FMN1: variants seen among roughly 807,000 people sequenced by gnomAD.
FMN1 encodes the protein formin 1.
In FMN1, 110 loss-of-function variants were observed where a neutral mutation model predicts 132.4. The observed-to-expected ratio is 0.83, with a 90% CI of 0.71 to 0.97. FMN1 has a LOEUF of 0.97. Among genes scored for constraint, FMN1 ranks in the 50% least tolerant of loss-of-function variants. FMN1 has a pLI of 0.00. For missense variants in FMN1, 1,792 were observed against 1,705.3 expected, an observed-to-expected ratio of 1.05 and a Z score of -0.90; for synonymous variants, 722 against 651.7, an observed-to-expected ratio of 1.11 and a Z score of -1.64.
At chr15:33,058,480 CTG>C (rs1465688489) in intron 6 of FMN1, among the ~76,000 whole-genome samples, 5 of 152,232 alleles carry the variant, frequency 3.3e-5, no homozygotes, top group Admixed American at 2.0e-4. Context: ...ACTACACAAA[CTG>C]TGGCTCAATG....
At chr15:33,107,207 T>C (rs1239844289) in intron 4 of FMN1, among the ~76,000 whole-genome samples, 3 of 151,974 alleles carry the variant, frequency 2.0e-5, no homozygotes, top group African/African-American at 2.4e-5. Flanking sequence ...CACCAAACAG[T>C]ATCCCAAATC....
At chr15:33,070,287 G>C (rs867282754) in intron 5 of FMN1, among the ~76,000 whole-genome samples, 2 of 151,666 alleles carry the variant, frequency 1.3e-5, no homozygotes, top group African/African-American at 4.8e-5. Context: ...TTACAGGCAT[G>C]AGCCACCGCG....
At chr15:32,847,750 G>C (rs2058893502) in intron 17 of FMN1, among the ~76,000 whole-genome samples, 1 of 152,194 alleles carries the variant, frequency 6.6e-6, no homozygotes, top group South Asian at 2.1e-4. Context: ...AGCTACTCGG[G>C]AGGCTAAGGC....
At chr15:33,092,807 T>C (rs1357768046) in intron 4 of FMN1, among the ~76,000 whole-genome samples, 5 of 152,194 alleles carry the variant, frequency 3.3e-5, no homozygotes, top group Non-Finnish European at 7.3e-5. Context: ...CATTAAACCT[T>C]TTCAGCTGAG....
chr15:32,871,700 A>G (rs181899501), intron 16 of FMN1, among the ~76,000 whole-genome samples: 1 of 152,384 alleles, frequency 6.6e-6, no homozygotes. Context: ...AGAATTCTTG[A>G]TATTAGTGGT....
At chr15:32,856,953 A>G in intron 17 of FMN1, 62 bp downstream of exon 17, 1 of 1,233,490 alleles carries the variant, frequency 8.1e-7, no homozygotes, top group African/African-American at 1.5e-5. Flanking sequence ...CCTCAGAGAA[A>G]GATTCATGGA....
chr15:32,853,684 C>T (rs918060154), intron 17 of FMN1, among the ~76,000 whole-genome samples: 2 of 152,224 alleles, frequency 1.3e-5, no homozygotes, highest in African/African-American at 4.8e-5. Context: ...TCATAGCATA[C>T]TGCTGTGAAC....
At chr15:33,115,751 G>A (rs1035914275) in intron 4 of FMN1, among the ~76,000 whole-genome samples, 2 of 152,014 alleles carry the variant, frequency 1.3e-5, no homozygotes, top group African/African-American at 4.8e-5. Context: ...CCGCTCCCAT[G>A]TTGCTATTTC....
intron 6 of FMN1, among the ~76,000 whole-genome samples, chr15:33,053,492 A>G (rs2037074286): frequency 6.6e-6 from 1 of 152,138 alleles, no homozygotes; most frequent in East Asian, 1.9e-4. Context: ...CCCTGCTGCA[A>G]GTTCGGGAAA....
chr15:33,050,218 T>C (rs1331379729), intron 6 of FMN1, among the ~76,000 whole-genome samples: 1 of 152,192 alleles, frequency 6.6e-6, no homozygotes, highest in Non-Finnish European at 1.5e-5. Flanking sequence ...TATCAGAACA[T>C]AACCCTATTG....
At chr15:33,125,273 TAGAGATA>T (rs1275150844) in intron 4 of FMN1, among the ~76,000 whole-genome samples, 1 of 152,182 alleles carries the variant, frequency 6.6e-6, no homozygotes, top group East Asian at 1.9e-4. Flanking sequence ...TTGTAAAGTT[TAGAGATA>T]ATACATAGAA....
intron 13 of FMN1, among the ~76,000 whole-genome samples, chr15:32,900,805 A>C (rs570987827): frequency 6.6e-6 from 1 of 152,234 alleles, no homozygotes; most frequent in African/African-American, 2.4e-5. Flanking sequence ...TTTCCAATTG[A>C]AATTTTTTTT....
intron 4 of FMN1, among the ~76,000 whole-genome samples, chr15:33,108,943 ACAAT>A (rs1434697176): frequency 9.2e-5 from 14 of 152,136 alleles, no homozygotes; most frequent in African/African-American, 3.1e-4. Flanking sequence ...AATCCTTCAG[ACAAT>A]CAATCAGTTA....
intron 19 of FMN1, among the ~76,000 whole-genome samples, chr15:32,778,287 TA>T (rs1344778065): frequency 1.4e-4 from 20 of 145,132 alleles, no homozygotes; most frequent in African/African-American, 4.8e-4. Context: ...TATATATATA[TA>T]TATTTTTTTG....
intron 6 of FMN1, among the ~76,000 whole-genome samples, chr15:33,041,908 TCA>T (rs59245659): frequency 0.18 from 27,570 of 151,952 alleles, 2,664 homozygotes; most frequent in Middle Eastern, 0.24. Context: ...ATAGTAAATT[TCA>T]CAGTGTTTTT....
At chr15:32,884,019 T>C (rs2059835612) in intron 16 of FMN1, among the ~76,000 whole-genome samples, 1 of 152,208 alleles carries the variant, frequency 6.6e-6, no homozygotes, top group Admixed American at 6.5e-5. Flanking sequence ...ATCTATAGTT[T>C]CAGCAATGCT....
At chr15:33,152,959 TAATC>T (rs1190363917) in intron 4 of FMN1, 85 bp downstream of exon 4, 2 of 1,330,776 alleles carry the variant, frequency 1.5e-6, no homozygotes, top group Non-Finnish European at 2.0e-6. Context: ...GGTCCATTGT[TAATC>T]AGTCAGTTTC....
intron 3 of FMN1, among the ~76,000 whole-genome samples, chr15:33,167,893 G>A (rs980328845): frequency 6.6e-6 from 1 of 152,162 alleles, no homozygotes; most frequent in Non-Finnish European, 1.5e-5. Flanking sequence ...GAAGAGGAGG[G>A]GTCTTGCTGT....
intron 7 of FMN1, among the ~76,000 whole-genome samples, chr15:32,994,692 T>C (rs761599070): frequency 1.6e-4 from 24 of 152,310 alleles, no homozygotes; most frequent in Non-Finnish European, 2.4e-4. Flanking sequence ...TATTGAATGA[T>C]TGAGAAAGAC....
Sources: allele counts gnomAD v4.1 joint callset (sites outside exome capture counted in the v4.1 genomes callset), GRCh38; gene constraint gnomAD v4.1.1; transcripts MANE v1.5; gene names NCBI Gene and HGNC (gene_info 2026-07-23, HGNC 2026-07-21).